Variants in RLF observed in about 807,000 individuals in gnomAD.
RLF encodes RLF zinc finger.
In RLF, 7 loss-of-function variants were observed where a neutral mutation model predicts 162.9. The observed-to-expected ratio is 0.04, with a 90% CI of 0.02 to 0.08. RLF has a LOEUF of 0.08. RLF is among the 10% of genes least tolerant of loss of function. The pLI, the probability that RLF is intolerant of heterozygous loss-of-function variation, is 1.00. For missense variants in RLF, 1,664 were observed against 2,244.7 expected (o/e 0.74, Z 5.23); for synonymous variants, 782 against 791.5 (o/e 0.99, Z 0.20).
chr1:40,228,183 G>A (rs1643103197), intron 6 of RLF, among the ~76,000 whole-genome samples: 1 of 151,970 alleles, frequency 6.6e-6, no homozygotes, highest in Non-Finnish European at 1.5e-5. Flanking sequence ...CTACTCAGGA[G>A]GCTGAGGCAG....
chr1:40,189,714 A>C (rs1259019987), intron 2 of RLF, among the ~76,000 whole-genome samples: 1 of 152,112 alleles, frequency 6.6e-6, no homozygotes, highest in Non-Finnish European at 1.5e-5. Context: ...AGGCACGAGA[A>C]TCGCTTGAAC....
intron 5 of RLF, 49 bp downstream of exon 5, chr1:40,202,663 TTA>T (rs113432466): frequency 3.7e-6 from 4 of 1,070,566 alleles, no homozygotes; most frequent in East Asian, 3.0e-5. Context: ...TTTAATAGAT[TTA>T]TATATATATT....
chr1:40,183,149 C>T (rs951518872), intron 1 of RLF, among the ~76,000 whole-genome samples: 8 of 152,132 alleles, frequency 5.3e-5, no homozygotes, highest in African/African-American at 1.9e-4. Flanking sequence ...CACTTTTGCT[C>T]GTACTTCAGA....
intron 4 of RLF, among the ~76,000 whole-genome samples, chr1:40,200,936 A>ACACG (rs1642706606): frequency 8.9e-6 from 1 of 112,644 alleles, no homozygotes; most frequent in Admixed American, 9.9e-5. Context: ...ACACACACAC[A>ACACG]CACTGGTTTA....
chr1:40,162,266 A>G (rs1642098938), intron 1 of RLF, among the ~76,000 whole-genome samples: 1 of 148,536 alleles, frequency 6.7e-6, no homozygotes, highest in Non-Finnish European at 1.5e-5. Flanking sequence ...AATAAGGCTG[A>G]CTCTTTGAGT....
rs755590590 is a variant in RLF, at chr1:40,236,379, A to G, written c.1677A>G (p.Leu559=). ...RWLQYKFFCL[L]CKRECIEARI... is the part of the protein sequence containing the mutation. ...TTCAGTACAAGTTTTTCTGTTTGTT[A>G]TGTAAGCGGGAATGTATAGAGGCTA... The change falls in exon 8 of 8, where the codon TTA becomes TTG. Residue 559 remains leucine, a synonymous_variant. Transcript: ENST00000372771. The surrounding 1 kb of genome is among the most constrained non-coding windows in gnomAD (Gnocchi z 7.7). The G allele has an allele frequency of 6.2e-7, 1 of 1,614,086 alleles. No homozygotes were observed. The highest frequency in any genetic ancestry group is 1.3e-5 in the African/African-American group (1 of 75,038).
chr1:40,239,985 G>A lies in RLF; in HGVS notation c.5283G>A (p.Leu1761=). The part of the protein sequence containing the change: ...RKHSQPRSFD[L]KTYKPMGFES... ...ATTCACAGCCCCGGTCATTTGATTT[G>A]AAGACTTACAAACCTATGGGATTTG... Residue 1761 remains leucine, a synonymous_variant, in exon 8 of 8, where the codon TTG becomes TTA. Transcript: ENST00000372771. 9 of 1,613,822 alleles carry A rather than the reference G, an allele frequency of 5.6e-6. No homozygotes were observed. The highest frequency in any genetic ancestry group is 7.6e-6 in the Non-Finnish European group (9 of 1,179,984).
chr1:40,164,299 A>G (rs1390239184), intron 1 of RLF, among the ~76,000 whole-genome samples: 2 of 152,134 alleles, frequency 1.3e-5, no homozygotes, highest in East Asian at 3.8e-4. Flanking sequence ...ATTCTCTCCA[A>G]CTCTTGCAGC....
intron 1 of RLF, among the ~76,000 whole-genome samples, chr1:40,173,075 T>G (rs988837457): frequency 7.4e-5 from 11 of 148,130 alleles, no homozygotes; most frequent in Admixed American, 2.7e-4. Flanking sequence ...ACATTCAGGT[T>G]TTTTTTTTTT....
chr1:40,218,391 T>C lies in RLF; in HGVS notation c.811-4183T>C, dbSNP rs76886024. On this transcript the variant is annotated intron_variant, in intron 5 of 7. Transcript: ENST00000372771. Reference sequence around the variant, plus strand: ...TTTGTGCCATGCAAAACTGCACAACTCTGTGACATGGCCTTATTCAGTCTG... The same window carrying C: ...TTTGTGCCATGCAAAACTGCACAACCCTGTGACATGGCCTTATTCAGTCTG... Among the ~76,000 whole-genome samples, 638 of 152,342 alleles carry C rather than the reference T, an allele frequency of 4.2e-3. 6 individuals are homozygous for C. The highest frequency in any genetic ancestry group is 0.015 in the African/African-American group (609 of 41,566).
In RLF at chr1:40,240,595, C is replaced by T. The variant is rs1057090305; in HGVS notation, c.*148C>T. 1.6e-6 allele frequency: 1 copy of T among 619,418 alleles called. No homozygotes were observed. Among genetic ancestry groups the T allele is most frequent in the African/African-American group, 1.9e-5 (1 of 54,024 alleles). 38.4% of individuals were successfully genotyped at this position (619,418 alleles called of 1,614,324 possible). A position where few individuals can be genotyped will look rare whatever the true frequency, so the allele number is the denominator to read the frequency against. On this transcript the variant is annotated 3_prime_UTR_variant, in exon 8 of 8. Transcript: ENST00000372771. ...CATGAATGTATAATATCTATGTCAGCAGTATTGGCTGAGTCCATTAGCTCT... is the reference window on the plus strand; with the variant it reads ...CATGAATGTATAATATCTATGTCAGTAGTATTGGCTGAGTCCATTAGCTCT...
chr1:40,232,049 A>G (rs1426187710), intron 7 of RLF, among the ~76,000 whole-genome samples: 1 of 152,112 alleles, frequency 6.6e-6, no homozygotes, highest in Non-Finnish European at 1.5e-5. Flanking sequence ...CTCTACTAAA[A>G]ATACAAAAAT....
Position 40,239,012 on chromosome 1 carries a change from A to C in RLF, c.4310A>C (p.Glu1437Ala). Residue 1437 changes from glutamate to alanine, a missense_variant, in exon 8 of 8, where the codon GAA (glutamate) becomes GCA (alanine). Physicochemically the swap from Glu to Ala is moderately radical, Grantham distance 107. Around this residue, in one of 15 missense-constraint regions of RLF, gnomAD observed 200 missense variants for 207.3 expected, o/e 0.96. Transcript: ENST00000372771. ...HLMEQHNIEG[E>A]IHSDYEIHCD... is the part of the protein sequence containing the mutation. ...ATGGAACAGCATAATATTGAAGGGGAAATACATTCAGATTATGAAATTCAT... is the reference window on the plus strand; with the variant it reads ...ATGGAACAGCATAATATTGAAGGGGCAATACATTCAGATTATGAAATTCAT... The C allele has an allele frequency of 1.2e-6, 2 of 1,614,216 alleles. No individual in the cohort carries two copies. The highest frequency in any genetic ancestry group is 1.7e-6 in the Non-Finnish European group (2 of 1,180,006).
chr1:40,171,925 C>A (rs1045884650), intron 1 of RLF, among the ~76,000 whole-genome samples: 3 of 152,028 alleles, frequency 2.0e-5, no homozygotes, highest in Non-Finnish European at 4.4e-5. Context: ...TTTAGGAATG[C>A]ATATCTATAG....
At chr1:40,228,822 T>G (rs1285148791) in intron 6 of RLF, among the ~76,000 whole-genome samples, 1 of 152,080 alleles carries the variant, frequency 6.6e-6, no homozygotes, top group Non-Finnish European at 1.5e-5. Context: ...AGAGAAGATA[T>G]TACTCTGTCA....
intron 5 of RLF, among the ~76,000 whole-genome samples, chr1:40,215,006 A>G (rs989257735): frequency 3.9e-5 from 6 of 151,992 alleles, no homozygotes; most frequent in Admixed American, 1.3e-4. Context: ...CAAATTATAA[A>G]AAACCAAAAT....
At chr1:40,203,550 A>G (rs1161320550) in intron 5 of RLF, among the ~76,000 whole-genome samples, 1 of 150,368 alleles carries the variant, frequency 6.7e-6, no homozygotes, top group African/African-American at 2.5e-5. Context: ...TCTCAAAAAA[A>G]CAACAACTAT....
intron 5 of RLF, among the ~76,000 whole-genome samples, chr1:40,205,481 CCTT>C (rs1421657268): frequency 1.4e-5 from 2 of 145,394 alleles, no homozygotes; most frequent in African/African-American, 2.7e-5. Context: ...CATTTTCCTT[CCTT>C]CTTTTTTTTT....
At chr1:40,200,543 C>G (rs1044291474) in intron 4 of RLF, among the ~76,000 whole-genome samples, 5 of 151,984 alleles carry the variant, frequency 3.3e-5, no homozygotes, top group Non-Finnish European at 7.4e-5. Flanking sequence ...GAAGATAGCT[C>G]TAACTGCACA....
Sources: gnomAD v4.1 joint callset for allele counts (sites outside exome capture counted in the v4.1 genomes callset) on GRCh38, gnomAD v4.1.1 for gene constraint, gnomAD v4.1.1 regional missense constraint, Gnocchi (gnomAD v3.1) non-coding constraint, MANE v1.5 for transcripts, NCBI Gene and HGNC (gene_info 2026-07-23, HGNC 2026-07-21) for gene names.